The following PCLO variants were observed in gnomAD, a reference collection of about 807,000 sequenced individuals.
PCLO encodes the protein piccolo presynaptic cytomatrix protein.
A neutral mutation model predicts 427.5 loss-of-function variants in PCLO; 82 were observed. The ratio of observed to expected loss-of-function variants is 0.19; its 90% CI spans 0.16 to 0.23. The LOEUF is 0.23. Among genes scored for constraint, PCLO ranks in the 10% least tolerant of loss-of-function variants. The pLI is 1.00. For missense variants in PCLO, 6,239 were observed against 6,115.9 expected (o/e 1.02, Z -0.67); for synonymous variants, 2,357 against 2,155.4 (o/e 1.09, Z -2.59).
intron 3 of PCLO, among the ~76,000 whole-genome samples, chr7:83,104,642 ATATC>A (rs1270730385): frequency 1.3e-5 from 2 of 152,108 alleles, no homozygotes; most frequent in Non-Finnish European, 2.9e-5. Flanking sequence ...ATCTTAAAAT[ATATC>A]TATATTTTTT....
At chr7:83,156,794 A>T (rs1402805437) in intron 1 of PCLO, among the ~76,000 whole-genome samples, 6 of 152,116 alleles carry the variant, frequency 3.9e-5, no homozygotes, top group Non-Finnish European at 5.9e-5. Flanking sequence ...ATGTTCACAG[A>T]GTGTATTTTT....
At chr7:82,791,517 T>A (rs1023109944) in intron 22 of PCLO, among the ~76,000 whole-genome samples, 1 of 152,172 alleles carries the variant, frequency 6.6e-6, no homozygotes, top group Non-Finnish European at 1.5e-5. Flanking sequence ...AAGTAAAAGA[T>A]TTAAACAGAA....
chr7:83,030,371 C>G (rs569168906), intron 3 of PCLO, among the ~76,000 whole-genome samples: 1 of 152,244 alleles, frequency 6.6e-6, no homozygotes, highest in East Asian at 1.9e-4. Flanking sequence ...AATTAGAGGA[C>G]AGTAGATATA....
At chr7:82,905,339 G>T (rs955536891) in intron 8 of PCLO, among the ~76,000 whole-genome samples, 1 of 151,906 alleles carries the variant, frequency 6.6e-6, no homozygotes, top group African/African-American at 2.4e-5. Context: ...CTTCACACAC[G>T]GAAGACAGAT....
intron 20 of PCLO, among the ~76,000 whole-genome samples, chr7:82,814,618 C>A (rs536000855): frequency 4.3e-4 from 65 of 151,608 alleles, no homozygotes; most frequent in Non-Finnish European, 8.0e-4. Flanking sequence ...TAGGTTATAT[C>A]TACTGATATT....
intron 10 of PCLO, among the ~76,000 whole-genome samples, chr7:82,847,574 G>GAAAC (rs901633308): frequency 5.3e-5 from 8 of 152,046 alleles, no homozygotes; most frequent in South Asian, 2.1e-4. Context: ...TTTTGTATAG[G>GAAAC]AAACAAACAA....
At chr7:82,882,554 A>T (rs1241945600) in intron 9 of PCLO, among the ~76,000 whole-genome samples, 1 of 152,166 alleles carries the variant, frequency 6.6e-6, no homozygotes, top group Non-Finnish European at 1.5e-5. Context: ...AAAGAAAGTC[A>T]TAAGTTATGG....
At chr7:82,909,785 A>G (rs1794278465) in intron 7 of PCLO, among the ~76,000 whole-genome samples, 1 of 152,154 alleles carries the variant, frequency 6.6e-6, no homozygotes. Flanking sequence ...TAATTGTTAA[A>G]TAAAAATAAA....
At chr7:82,992,197 C>A (rs1459447297) in intron 3 of PCLO, among the ~76,000 whole-genome samples, 1 of 152,058 alleles carries the variant, frequency 6.6e-6, no homozygotes, top group African/African-American at 2.4e-5. Flanking sequence ...ACCATTGGAA[C>A]TATGTGTCCT....
At chr7:83,100,707 T>C (rs1042967671) in intron 3 of PCLO, among the ~76,000 whole-genome samples, 1 of 152,138 alleles carries the variant, frequency 6.6e-6, no homozygotes, top group Non-Finnish European at 1.5e-5. Flanking sequence ...TAATGGGTAC[T>C]AGGCTTAATA....
chr7:82,785,329 C>A (rs1429465099), intron 22 of PCLO, among the ~76,000 whole-genome samples: 1 of 152,106 alleles, frequency 6.6e-6, no homozygotes, highest in African/African-American at 2.4e-5. Context: ...CACTGCTGAT[C>A]TGACAGGACG....
intron 19 of PCLO, 98 bp downstream of exon 19, chr7:82,824,138 C>G (rs1194477635): frequency 2.6e-6 from 2 of 776,488 alleles, no homozygotes; most frequent in African/African-American, 3.5e-5. Context: ...CGTGTCTAAT[C>G]TATTAATATA....
chr7:82,856,292 A>G (rs1467268863), intron 10 of PCLO, among the ~76,000 whole-genome samples: 1 of 152,332 alleles, frequency 6.6e-6, no homozygotes, highest in South Asian at 2.1e-4. Flanking sequence ...TGACTGTTGC[A>G]AAGATATGCT....
chr7:82,798,395 C>T (rs1444323351), intron 22 of PCLO, among the ~76,000 whole-genome samples: 2 of 151,948 alleles, frequency 1.3e-5, no homozygotes, highest in Non-Finnish European at 2.9e-5. Flanking sequence ...TTTGTTCCCC[C>T]GCTAAATTGG....
chr7:82,786,739 T>G (rs1790992436), intron 22 of PCLO, among the ~76,000 whole-genome samples: 1 of 151,428 alleles, frequency 6.6e-6, no homozygotes, highest in Non-Finnish European at 1.5e-5. Context: ...ATCCCTCCCC[T>G]AGCTCCCCAC....
chr7:83,127,990 T>C (rs570143514), intron 3 of PCLO, among the ~76,000 whole-genome samples: 2 of 152,212 alleles, frequency 1.3e-5, no homozygotes, highest in Admixed American at 6.5e-5. Flanking sequence ...AAATATGCTA[T>C]GCTACACTGT....
chr7:83,014,052 T>C (rs994699909), intron 3 of PCLO, among the ~76,000 whole-genome samples: 3 of 152,172 alleles, frequency 2.0e-5, no homozygotes, highest in Non-Finnish European at 2.9e-5. Context: ...GAGCAACCAG[T>C]ATTTATTGAA....
At position 82,822,203 on chromosome 7, in the gene PCLO, C is replaced by CTTT. The variant is rs2115643277; in HGVS notation, c.14791+289_14791+291dup. On this transcript the variant is annotated intron_variant, in intron 20 of 24. Coordinates refer to ENST00000333891, the MANE Select transcript of PCLO (RefSeq NM_033026.6). Reference sequence around the variant, plus strand: ...CAAACAAAAAGGACACACAACATTGCTTTGCTTCCAAACATCACAGACACT... The same window carrying CTTT: ...CAAACAAAAAGGACACACAACATTGCTTTTTTGCTTCCAAACATCACAGACACT... 3 of 1,235,276 alleles carry CTTT rather than the reference C, an allele frequency of 2.4e-6. No homozygotes were observed. The East Asian group carries it at 1.3e-4, about 52-fold the overall frequency. 76.5% of individuals were successfully genotyped at this position (1,235,276 alleles called of 1,614,324 possible).
chr7:83,112,273 G>T (rs1451348380), intron 3 of PCLO, among the ~76,000 whole-genome samples: 4 of 152,082 alleles, frequency 2.6e-5, no homozygotes, highest in African/African-American at 4.8e-5. Context: ...GGTCAGGCTG[G>T]TCTCGAACTC....
Sources: allele counts gnomAD v4.1 joint callset (sites outside exome capture counted in the v4.1 genomes callset), GRCh38; gene constraint gnomAD v4.1.1; transcripts MANE v1.5; gene names NCBI Gene and HGNC (gene_info 2026-07-23, HGNC 2026-07-21).